Variants in CLCN3 observed in about 807,000 individuals in gnomAD.
CLCN3 encodes Cl-/H+ antiporter 3.
CLCN3 carries 16 observed loss-of-function variants against 83.4 expected under a neutral mutation model. That is an observed-to-expected ratio of 0.19 (90% CI 0.13 to 0.29). CLCN3 has a LOEUF of 0.29. CLCN3 is among the 10% of genes least tolerant of loss of function. The pLI is 1.00. For synonymous variants in CLCN3, 322 were observed against 346.2 expected (o/e 0.93, Z 0.78); for missense variants, 544 against 1,006.0 (o/e 0.54, Z 6.21).
intron 3 of CLCN3, among the ~76,000 whole-genome samples, chr4:169,681,938 A>G (rs1731956555): frequency 6.6e-6 from 1 of 152,210 alleles, no homozygotes; most frequent in Non-Finnish European, 1.5e-5. Flanking sequence ...AAGAAATTCA[A>G]CCTCATACAC....
At chr4:169,650,143 T>TA (rs1443053356) in intron 2 of CLCN3, among the ~76,000 whole-genome samples, 1 of 152,148 alleles carries the variant, frequency 6.6e-6, no homozygotes, top group Non-Finnish European at 1.5e-5. Context: ...TGAGTGCTGA[T>TA]AAAACAGTTG....
At chr4:169,714,723 T>C (rs1305307703) in intron 12 of CLCN3, among the ~76,000 whole-genome samples, 1 of 152,172 alleles carries the variant, frequency 6.6e-6, no homozygotes, top group Non-Finnish European at 1.5e-5. Flanking sequence ...TTTAGTGTTT[T>C]TCACTGCGCT....
chr4:169,640,782 AATAG>A (rs1246060556), intron 2 of CLCN3, among the ~76,000 whole-genome samples: 1 of 152,184 alleles, frequency 6.6e-6, no homozygotes, highest in Non-Finnish European at 1.5e-5. Context: ...TTATTCTTAT[AATAG>A]ATAGTACTAT....
intron 2 of CLCN3, among the ~76,000 whole-genome samples, chr4:169,678,570 C>T (rs1427710431): frequency 1.3e-5 from 2 of 152,136 alleles, no homozygotes; most frequent in African/African-American, 4.8e-5. Context: ...CTGCGGCCTT[C>T]CACAGTGTTT....
At chr4:169,660,036 TGTGA>T (rs1581216503) in intron 2 of CLCN3, 6 of 1,000,460 alleles carry the variant, frequency 6.0e-6, no homozygotes, top group East Asian at 1.0e-4. Context: ...GAAGCTGTAT[TGTGA>T]GTGTTTCAAA....
At chr4:169,691,805 T>G (rs1395634071) in intron 6 of CLCN3, among the ~76,000 whole-genome samples, 2 of 152,152 alleles carry the variant, frequency 1.3e-5, no homozygotes, top group East Asian at 3.8e-4. Flanking sequence ...ATTTGCCCTT[T>G]TTTTGGTTAT....
intron 1 of CLCN3, among the ~76,000 whole-genome samples, chr4:169,623,148 T>G (rs777820616): frequency 5.3e-5 from 8 of 152,208 alleles, no homozygotes; most frequent in Non-Finnish European, 1.0e-4. Context: ...TGCTATTTCT[T>G]GTGAGAAATA....
At chr4:169,639,548 AATT>A (rs1007357115) in intron 2 of CLCN3, among the ~76,000 whole-genome samples, 10 of 152,232 alleles carry the variant, frequency 6.6e-5, no homozygotes, top group Non-Finnish European at 8.8e-5. Flanking sequence ...CAATAGGGAT[AATT>A]ATTATATATG....
chr4:169,706,947 T>C lies in CLCN3; in HGVS notation c.1830T>C (p.Leu610=), dbSNP rs774712030. 2 of 1,614,146 alleles carry C rather than the reference T, an allele frequency of 1.2e-6. No homozygotes were observed. Among genetic ancestry groups the C allele is most frequent in the East Asian group, 4.5e-5 (2 of 44,888 alleles). Residue 610 remains leucine, a synonymous_variant, in exon 11 of 13, where the codon CTT becomes CTC. Coordinates refer to ENST00000513761, the MANE Select transcript of CLCN3 (RefSeq NM_001829.4). ...GAGGCTTGGAATATATTGTTCCCCT[T>C]ATGGCTGCAGTCATGACCAGTAAAT... The part of the protein sequence containing the change: ...LTGGLEYIVP[L]MAAVMTSKWV...
At chr4:169,698,141 G>A (rs1732639552) in intron 9 of CLCN3, among the ~76,000 whole-genome samples, 1 of 152,096 alleles carries the variant, frequency 6.6e-6, no homozygotes, top group Non-Finnish European at 1.5e-5. Flanking sequence ...TATAGTTTTG[G>A]GGTATATGAA....
chr4:169,633,064 G>A (rs540358215), intron 1 of CLCN3, among the ~76,000 whole-genome samples: 21 of 152,276 alleles, frequency 1.4e-4, no homozygotes, highest in Admixed American at 2.6e-4. Context: ...CCAGGCTGGA[G>A]TGCAGTGGCA....
intron 1 of CLCN3, among the ~76,000 whole-genome samples, chr4:169,624,622 G>GTA (rs1318041781): frequency 6.6e-6 from 1 of 152,132 alleles, no homozygotes; most frequent in East Asian, 1.9e-4. Flanking sequence ...TGAGGAAAAT[G>GTA]TATAATGTAA....
chr4:169,626,734 T>C (rs2150196244), intron 1 of CLCN3, among the ~76,000 whole-genome samples: 1 of 152,280 alleles, frequency 6.6e-6, no homozygotes, highest in East Asian at 1.9e-4. Context: ...TCCCATCACT[T>C]TGGAAGGCCG....
At chr4:169,656,010 A>G (rs1279895033) in intron 2 of CLCN3, among the ~76,000 whole-genome samples, 5 of 150,924 alleles carry the variant, frequency 3.3e-5, no homozygotes, top group Admixed American at 1.3e-4. Flanking sequence ...GGCTTCAATA[A>G]CTTTACAACT....
chr4:169,706,120 C>T (rs1000408070), intron 10 of CLCN3, among the ~76,000 whole-genome samples: 2 of 151,990 alleles, frequency 1.3e-5, no homozygotes, highest in East Asian at 3.9e-4. Flanking sequence ...AGCCTCAAAC[C>T]CCAGCCCAAA....
intron 1 of CLCN3, among the ~76,000 whole-genome samples, chr4:169,630,764 G>T (rs1175933930): frequency 6.6e-6 from 1 of 152,020 alleles, no homozygotes; most frequent in Non-Finnish European, 1.5e-5. Context: ...TCTGACCTCA[G>T]GTGATCCGCC....
chr4:169,679,961 T>C (rs1731870373), intron 2 of CLCN3, 89 bp from the exon 3 acceptor site: 3 of 1,022,940 alleles, frequency 2.9e-6, no homozygotes, highest in African/African-American at 3.2e-5. Context: ...ATTATTTCTG[T>C]ATGACTTAAT....
At chr4:169,687,616 T>G in intron 3 of CLCN3, 42 bp from the exon 4 acceptor site, 1 of 1,334,700 alleles carries the variant, frequency 7.5e-7, no homozygotes, top group Non-Finnish European at 1.1e-6. Flanking sequence ...GTGGCTTCTA[T>G]TCATAGTTGG....
At chr4:169,707,899 T>C (rs1303518221) in intron 11 of CLCN3, among the ~76,000 whole-genome samples, 2 of 152,162 alleles carry the variant, frequency 1.3e-5, no homozygotes, top group Non-Finnish European at 2.9e-5. Context: ...TGGAGATAAA[T>C]TAAACTTTCT....
Sources: allele counts gnomAD v4.1 joint callset (sites outside exome capture counted in the v4.1 genomes callset), GRCh38; gene constraint gnomAD v4.1.1; transcripts MANE v1.5; gene names NCBI Gene and HGNC (gene_info 2026-07-23, HGNC 2026-07-21).